RALYL: variants seen among roughly 807,000 people sequenced by gnomAD.
RALYL encodes RNA-binding Raly-like protein.
In RALYL, 29 loss-of-function variants were observed where a neutral mutation model predicts 35.1. The ratio of observed to expected loss-of-function variants is 0.83; its 90% CI spans 0.61 to 1.13. The LOEUF (loss-of-function observed/expected upper bound fraction) is 1.13, where lower values mean the gene tolerates loss of function less well. Among genes scored for constraint, RALYL ranks in the 50% most tolerant of loss-of-function variants. The pLI is 0.00. For synonymous variants in RALYL, 120 were observed against 127.6 expected (o/e 0.94, Z 0.40); for missense variants, 359 against 360.4 (o/e 1.00, Z 0.03).
intron 1 of RALYL, among the ~76,000 whole-genome samples, chr8:84,253,362 G>C (rs1354153731): frequency 1.5e-5 from 2 of 135,808 alleles, no homozygotes; most frequent in Non-Finnish European, 3.2e-5. Context: ...GCTAATTTTT[G>C]TATTTTTTTT....
rs1019260453 is a variant in RALYL, at chr8:84,204,145, G to A, written c.-24+19721G>A. Among the ~76,000 whole-genome samples the A allele has an allele frequency of 6.6e-5, 10 of 151,668 alleles. No individual in the cohort carries two copies. The South Asian group carries it at 1.0e-3, about 16-fold the overall frequency. ...ATTATTCCTATAGTTTAAGAATTCT[G>A]AATAAGAACACAGAAATATCATGTA... On this transcript the variant is annotated intron_variant, in intron 1 of 8. Transcript: ENST00000521268.
At chr8:84,581,835 C>A (rs1045505521) in intron 2 of RALYL, among the ~76,000 whole-genome samples, 1 of 152,050 alleles carries the variant, frequency 6.6e-6, no homozygotes, top group Non-Finnish European at 1.5e-5. Flanking sequence ...TTAACTGAGA[C>A]AAATTTCTCA....
chr8:84,657,194 T>C (rs555765828), intron 2 of RALYL, among the ~76,000 whole-genome samples: 2 of 152,310 alleles, frequency 1.3e-5, no homozygotes, highest in South Asian at 2.1e-4. Context: ...TCAAATTGCC[T>C]AATAATAGGT....
In RALYL at chr8:84,719,913, T is replaced by C. The variant is rs117739430; in HGVS notation, c.257-54666T>C. ...TATACAGTTAATCAATCTCTCATTATACCCCAGCCCCTTTCCACTCTCCAA... is the reference window on the plus strand; with the variant it reads ...TATACAGTTAATCAATCTCTCATTACACCCCAGCCCCTTTCCACTCTCCAA... On this transcript the variant is annotated intron_variant, in intron 2 of 8. Transcript: ENST00000521268. 1.7e-4 allele frequency among the ~76,000 whole-genome samples: 26 copies of C among 152,262 alleles called. No homozygotes were observed. The East Asian group carries it at 5.0e-3, about 29-fold the overall frequency.
At chr8:84,534,231 A>G (rs150966979) in intron 2 of RALYL, among the ~76,000 whole-genome samples, 53 of 152,340 alleles carry the variant, frequency 3.5e-4, no homozygotes, top group Non-Finnish European at 7.3e-4. Flanking sequence ...TGCACATGCT[A>G]TCTTGACTGC....
At chr8:84,662,097 T>C (rs1003555722) in intron 2 of RALYL, among the ~76,000 whole-genome samples, 8 of 152,208 alleles carry the variant, frequency 5.3e-5, no homozygotes, top group Non-Finnish European at 1.0e-4. Flanking sequence ...GTGTGACCTC[T>C]TTTCTAGCTC....
intron 1 of RALYL, among the ~76,000 whole-genome samples, chr8:84,282,942 G>C (rs376656143): frequency 7.0e-4 from 106 of 151,778 alleles, no homozygotes; most frequent in African/African-American, 2.5e-3. Flanking sequence ...AATACAAGTA[G>C]GACACTGCTC....
chr8:84,549,252 C>G (rs1044357198), intron 2 of RALYL, among the ~76,000 whole-genome samples: 9 of 152,054 alleles, frequency 5.9e-5, no homozygotes, highest in African/African-American at 2.2e-4. Flanking sequence ...AACAACAAGC[C>G]GAAATGAAGA....
intron 4 of RALYL, among the ~76,000 whole-genome samples, chr8:84,830,460 G>T (rs1050388138): frequency 6.6e-6 from 1 of 152,130 alleles, no homozygotes; most frequent in African/African-American, 2.4e-5. Context: ...GTACCAAGAT[G>T]ACAGCTTTGT....
intron 1 of RALYL, among the ~76,000 whole-genome samples, chr8:84,391,739 A>C (rs1392789510): frequency 6.6e-6 from 1 of 152,076 alleles, no homozygotes; most frequent in Non-Finnish European, 1.5e-5. Context: ...TAAGTGAAGA[A>C]AATACTTGAT....
intron 2 of RALYL, among the ~76,000 whole-genome samples, chr8:84,746,140 T>C (rs1052341494): frequency 1.4e-4 from 21 of 152,002 alleles, no homozygotes; most frequent in Non-Finnish European, 1.5e-5. Context: ...GCAATAACAA[T>C]TTGAATTCTC....
intron 6 of RALYL, among the ~76,000 whole-genome samples, chr8:84,866,817 G>A (rs911972155): frequency 6.6e-6 from 1 of 152,090 alleles, no homozygotes; most frequent in African/African-American, 2.4e-5. Context: ...ATATAAAAAT[G>A]GGTAAAAGGA....
chr8:84,786,074 T>C (rs1819380993), intron 3 of RALYL, among the ~76,000 whole-genome samples: 1 of 152,254 alleles, frequency 6.6e-6, no homozygotes, highest in South Asian at 2.1e-4. Context: ...AGTGAGAACA[T>C]GTGGTATTTG....
chr8:84,843,340 C>T (rs1315379472), intron 4 of RALYL, among the ~76,000 whole-genome samples: 4 of 152,024 alleles, frequency 2.6e-5, no homozygotes, highest in African/African-American at 9.7e-5. Context: ...AACAGAGGGC[C>T]AAATCATGAG....
intron 1 of RALYL, among the ~76,000 whole-genome samples, chr8:84,299,193 A>G (rs187742121): frequency 6.6e-6 from 1 of 151,152 alleles, no homozygotes; most frequent in East Asian, 2.0e-4. Flanking sequence ...TGTGGATTTT[A>G]TTGAAAGCCT....
chr8:84,616,806 A>G (rs1479791861), intron 2 of RALYL, among the ~76,000 whole-genome samples: 3 of 151,870 alleles, frequency 2.0e-5, no homozygotes, highest in East Asian at 1.9e-4. Context: ...AGCTTTCTAC[A>G]TATGCCTAGT....
chr8:84,193,355 A>T (rs1342439402), intron 1 of RALYL, among the ~76,000 whole-genome samples: 1 of 152,184 alleles, frequency 6.6e-6, no homozygotes, highest in African/African-American at 2.4e-5. Context: ...TCAATTTCAG[A>T]ATGTTCTAAG....
chr8:84,549,863 C>T (rs952424257), intron 2 of RALYL, among the ~76,000 whole-genome samples: 5 of 152,156 alleles, frequency 3.3e-5, no homozygotes, highest in Admixed American at 2.0e-4. Context: ...AAGCTAAACT[C>T]CTCAACCTTG....
chr8:84,779,332 A>G (rs1225716859), intron 3 of RALYL, among the ~76,000 whole-genome samples: 1 of 152,240 alleles, frequency 6.6e-6, no homozygotes, highest in Admixed American at 6.5e-5. Context: ...TCTTTGATGG[A>G]AAGCTAACAA....
Sources: allele counts gnomAD v4.1 joint callset (sites outside exome capture counted in the v4.1 genomes callset), GRCh38; gene constraint gnomAD v4.1.1; transcripts MANE v1.5; gene names NCBI Gene and HGNC (gene_info 2026-07-23, HGNC 2026-07-21).